Variants in SCAPER observed in about 807,000 individuals in gnomAD.
SCAPER encodes the protein S phase cyclin A-associated protein in the endoplasmic reticulum.
In SCAPER, 98 loss-of-function variants were observed where a neutral mutation model predicts 182.2. The observed-to-expected ratio is 0.54, with a 90% confidence interval of 0.46 to 0.64. SCAPER has a LOEUF of 0.64. SCAPER is among the 30% of genes least tolerant of loss of function. SCAPER has a pLI of 0.00. For missense variants in SCAPER, 1,432 were observed against 1,690.0 expected, an observed-to-expected ratio of 0.85 and a Z score of 2.68; for synonymous variants, 605 against 564.6, an observed-to-expected ratio of 1.07 and a Z score of -1.01.
chr15:76,430,464 G>A (rs1459209077), intron 26 of SCAPER, among the ~76,000 whole-genome samples: 1 of 152,240 alleles, frequency 6.6e-6, no homozygotes, highest in Non-Finnish European at 1.5e-5. Flanking sequence ...AGGCAGAGCC[G>A]CCCAACACGA....
At chr15:76,536,734 G>A (rs1050696844) in intron 23 of SCAPER, among the ~76,000 whole-genome samples, 1 of 151,926 alleles carries the variant, frequency 6.6e-6, no homozygotes, top group Non-Finnish European at 1.5e-5. Context: ...GGCAGGAGAA[G>A]GAAATAAAGG....
At chr15:76,656,168 C>T (rs1271648552) in intron 21 of SCAPER, among the ~76,000 whole-genome samples, 2 of 152,136 alleles carry the variant, frequency 1.3e-5, no homozygotes, top group Non-Finnish European at 1.5e-5. Context: ...ACCCATCTCA[C>T]AAGCAGTGAT....
intron 23 of SCAPER, among the ~76,000 whole-genome samples, chr15:76,526,752 T>C (rs2043228092): frequency 6.6e-6 from 1 of 152,158 alleles, no homozygotes; most frequent in African/African-American, 2.4e-5. Flanking sequence ...AGTTTTTAAA[T>C]CACCTATGAT....
intron 26 of SCAPER, among the ~76,000 whole-genome samples, chr15:76,414,647 A>T (rs1473292974): frequency 6.6e-6 from 1 of 152,190 alleles, no homozygotes; most frequent in East Asian, 1.9e-4. Context: ...AACAAACTAG[A>T]CTTCAAAGCA....
intron 30 of SCAPER, among the ~76,000 whole-genome samples, chr15:76,353,547 T>A (rs1011689008): frequency 2.6e-5 from 4 of 152,258 alleles, no homozygotes; most frequent in Non-Finnish European, 5.9e-5. Context: ...ATCATATTTA[T>A]TTAAAAATGT....
At chr15:76,483,326 T>C (rs183837387) in intron 24 of SCAPER, among the ~76,000 whole-genome samples, 17 of 151,904 alleles carry the variant, frequency 1.1e-4, no homozygotes, top group Admixed American at 7.9e-4. Flanking sequence ...CCTAGATGAT[T>C]TTATATTTTT....
chr15:76,889,285 C>T (rs2074032468), intron 1 of SCAPER, among the ~76,000 whole-genome samples: 1 of 152,122 alleles, frequency 6.6e-6, no homozygotes, highest in Non-Finnish European at 1.5e-5. Flanking sequence ...GGCAAAATAA[C>T]CAGCTAACAT....
chr15:76,848,636 A>C (rs575744744), intron 4 of SCAPER, among the ~76,000 whole-genome samples: 1 of 152,142 alleles, frequency 6.6e-6, no homozygotes, highest in Non-Finnish European at 1.5e-5. Flanking sequence ...GCCCGGGCAA[A>C]GATTTATGTC....
intron 24 of SCAPER, among the ~76,000 whole-genome samples, chr15:76,484,889 A>G (rs1005639366): frequency 3.5e-5 from 5 of 144,824 alleles, no homozygotes; most frequent in African/African-American, 1.2e-4. Context: ...TAAACTAGGT[A>G]TTGAAGAAAC....
At chr15:76,732,083 A>T (rs533518253) in intron 16 of SCAPER, among the ~76,000 whole-genome samples, 9 of 152,182 alleles carry the variant, frequency 5.9e-5, no homozygotes, top group Non-Finnish European at 1.2e-4. Context: ...AAGAGAACAC[A>T]CTATCTTTTA....
At chr15:76,674,672 T>C (rs992964922) in intron 20 of SCAPER, among the ~76,000 whole-genome samples, 3 of 152,058 alleles carry the variant, frequency 2.0e-5, no homozygotes, top group Non-Finnish European at 2.9e-5. Flanking sequence ...AAAAAATATG[T>C]CACATAAAGC....
At chr15:76,627,247 A>C (rs1341741233) in intron 21 of SCAPER, among the ~76,000 whole-genome samples, 1 of 47,926 alleles carries the variant, frequency 2.1e-5, no homozygotes, top group Admixed American at 3.5e-4. Flanking sequence ...AGGCTATTTT[A>C]CAAATCTCAG....
chr15:76,376,408 G>A (rs924858364), intron 28 of SCAPER, 97 bp from the exon 29 acceptor site: 24 of 1,322,464 alleles, frequency 1.8e-5, no homozygotes, highest in Non-Finnish European at 2.4e-5. Context: ...TTCTGCCATG[G>A]TGGTGGAAAA....
chr15:76,539,028 T>A (rs2044476000), intron 23 of SCAPER, among the ~76,000 whole-genome samples: 1 of 151,618 alleles, frequency 6.6e-6, no homozygotes, highest in African/African-American at 2.4e-5. Flanking sequence ...ACAATAATTA[T>A]GTAACTTAAC....
chr15:76,453,070 G>T (rs913849478), intron 25 of SCAPER, among the ~76,000 whole-genome samples: 1 of 152,198 alleles, frequency 6.6e-6, no homozygotes, highest in Non-Finnish European at 1.5e-5. Context: ...CTGGCCTCCA[G>T]CGATCCTCCT....
intron 24 of SCAPER, among the ~76,000 whole-genome samples, chr15:76,485,073 A>T (rs1747086228): frequency 6.6e-6 from 1 of 152,156 alleles, no homozygotes; most frequent in South Asian, 2.1e-4. Flanking sequence ...CAAGAGAGAG[A>T]AGTAAAGGGC....
At chr15:76,787,316 C>T (rs1002717247) in intron 8 of SCAPER, among the ~76,000 whole-genome samples, 3 of 152,114 alleles carry the variant, frequency 2.0e-5, no homozygotes, top group African/African-American at 7.2e-5. Context: ...AATACACCCA[C>T]GCTTATATGG....
intron 29 of SCAPER, among the ~76,000 whole-genome samples, chr15:76,371,124 C>A (rs1259257167): frequency 6.6e-6 from 1 of 152,122 alleles, no homozygotes; most frequent in Non-Finnish European, 1.5e-5. Flanking sequence ...AGAAATGATT[C>A]TCTGTGTCAT....
At chr15:76,720,487 C>G (rs1028503011) in intron 17 of SCAPER, among the ~76,000 whole-genome samples, 15 of 152,112 alleles carry the variant, frequency 9.9e-5, no homozygotes, top group Non-Finnish European at 2.9e-5. Context: ...AGTTCTAGAT[C>G]CCTGAGGAAT....
Sources: allele counts gnomAD v4.1 joint callset (sites outside exome capture counted in the v4.1 genomes callset), GRCh38; gene constraint gnomAD v4.1.1; transcripts MANE v1.5; gene names NCBI Gene and HGNC (gene_info 2026-07-23, HGNC 2026-07-21).